The following MSH4 variants were observed in gnomAD, a reference collection of about 807,000 sequenced individuals.
The protein encoded by MSH4 is mutS protein homolog 4.
Under a neutral mutation model 113.7 loss-of-function variants are expected in MSH4, and 106 were observed. That is an observed-to-expected ratio of 0.93 (90% CI 0.80 to 1.10). The LOEUF (loss-of-function observed/expected upper bound fraction) is 1.10. MSH4 is among the 50% of genes least tolerant of loss of function. The pLI, the probability that MSH4 is intolerant of heterozygous loss-of-function variation, is 0.00. For missense variants in MSH4, 1,061 were observed against 1,093.7 expected, an observed-to-expected ratio of 0.97 and a Z score of 0.42; for synonymous variants, 368 against 380.2, an observed-to-expected ratio of 0.97 and a Z score of 0.37.
chr1:75,805,214 A>G (rs1175643509), intron 2 of MSH4, among the ~76,000 whole-genome samples: 1 of 152,102 alleles, frequency 6.6e-6, no homozygotes, highest in African/African-American at 2.4e-5. Flanking sequence ...GGTTCTAAAA[A>G]TACATTTATG....
chr1:75,890,140 G>A (rs1263994352), intron 16 of MSH4, among the ~76,000 whole-genome samples: 1 of 152,018 alleles, frequency 6.6e-6, no homozygotes, highest in Non-Finnish European at 1.5e-5. Flanking sequence ...TTTTGAGAAA[G>A]AGGTTAATAA....
At chr1:75,838,769 T>A (rs1043533675) in intron 7 of MSH4, among the ~76,000 whole-genome samples, 2 of 152,168 alleles carry the variant, frequency 1.3e-5, no homozygotes, top group African/African-American at 4.8e-5. Context: ...GAATACCTCT[T>A]CCTCCTTCCC....
intron 2 of MSH4, among the ~76,000 whole-genome samples, chr1:75,804,494 C>T (rs891090534): frequency 6.8e-6 from 1 of 146,126 alleles, no homozygotes; most frequent in Non-Finnish European, 1.5e-5. Context: ...TAGAATATGA[C>T]CTTCCTTTTT....
chr1:75,810,608 G>C, intron 3 of MSH4, 89 bp from the exon 4 acceptor site: 1 of 544,736 alleles, frequency 1.8e-6, no homozygotes, highest in South Asian at 3.2e-5. Context: ...GTGTATCTAT[G>C]AATTAATTTT....
intron 1 of MSH4, among the ~76,000 whole-genome samples, 165 bp downstream of exon 1, chr1:75,797,394 T>C (rs983720232): frequency 6.6e-6 from 1 of 152,140 alleles, no homozygotes; most frequent in African/African-American, 2.4e-5. Flanking sequence ...TTAGAAGCCT[T>C]GACTTTTCAA....
intron 19 of MSH4, among the ~76,000 whole-genome samples, chr1:75,910,278 C>T (rs998429400): frequency 6.6e-6 from 1 of 152,068 alleles, no homozygotes; most frequent in Non-Finnish European, 1.5e-5. Context: ...TCTGATCTTC[C>T]ATGATCTCTC....
At position 75,798,629 on chromosome 1, in the gene MSH4, T is replaced by A. The variant is rs141856618; in HGVS notation, c.244+1400T>A. ...TGGAGTGCAGTGGCATGGTCATGACTCACTGCAGCCTCAAATTCCTGGGCT... is the reference window on the plus strand; with the variant it reads ...TGGAGTGCAGTGGCATGGTCATGACACACTGCAGCCTCAAATTCCTGGGCT... On this transcript the variant is annotated intron_variant, in intron 1 of 19. Transcript: ENST00000263187. Among the ~76,000 whole-genome samples the A allele has an allele frequency of 9.0e-3, 1,357 of 151,182 alleles. 15 individuals are homozygous for A. The highest frequency in any genetic ancestry group is 0.032 in the African/African-American group (1,301 of 41,106).
At chr1:75,877,646 C>A (rs1177611124) in intron 10 of MSH4, among the ~76,000 whole-genome samples, 1 of 152,160 alleles carries the variant, frequency 6.6e-6, no homozygotes, top group Non-Finnish European at 1.5e-5. Context: ...TTTGCATAAT[C>A]ACTGAACTTT....
intron 4 of MSH4, among the ~76,000 whole-genome samples, chr1:75,814,439 T>TG (rs1300851817): frequency 9.6e-6 from 1 of 103,940 alleles, no homozygotes; most frequent in Admixed American, 9.0e-5. Context: ...TATTCCAGCC[T>TG]GGGCAACAGA....
chr1:75,837,386 C>CTTTTTT (rs34812368), intron 7 of MSH4, among the ~76,000 whole-genome samples: 1 of 106,628 alleles, frequency 9.4e-6, no homozygotes, highest in African/African-American at 3.4e-5. Flanking sequence ...AAATTGTGCC[C>CTTTTTT]TTTTTTTTTT....
At chr1:75,840,513 T>C (rs1368275448) in intron 7 of MSH4, among the ~76,000 whole-genome samples, 1 of 102,034 alleles carries the variant, frequency 9.8e-6, no homozygotes, top group Non-Finnish European at 2.0e-5. Flanking sequence ...ACTCTGGGGA[T>C]TGTTGTGGGG....
At position 75,803,579 on chromosome 1, in the gene MSH4, T is replaced by A. The variant is rs866550055; in HGVS notation, c.245-152T>A. ...TTGCAGTGAGCCGAGATCATGCCAC[T>A]ACGCTCCAGCCTGGGCGACAAGAGC... On this transcript the variant is annotated intron_variant, in intron 1 of 19. Transcript: ENST00000263187. The A allele has an allele frequency of 1.8e-5, 9 of 499,114 alleles. No individual in the cohort carries two copies. In the South Asian group the frequency reaches 4.1e-4, roughly 23 times the overall value. The allele number at this position is 499,114 out of a possible 1,614,324, so 30.9% of individuals were successfully genotyped here.
intron 7 of MSH4, among the ~76,000 whole-genome samples, chr1:75,835,823 A>G (rs752714263): frequency 6.6e-6 from 1 of 152,188 alleles, no homozygotes; most frequent in African/African-American, 2.4e-5. Flanking sequence ...CTATGTCTCA[A>G]TGTGCTGCAA....
intron 18 of MSH4, among the ~76,000 whole-genome samples, chr1:75,898,792 T>C (rs1652440721): frequency 6.6e-6 from 1 of 152,188 alleles, no homozygotes; most frequent in Admixed American, 6.5e-5. Flanking sequence ...TTATTTTAGC[T>C]ATGGATATGA....
chr1:75,895,903 C>G (rs1652369029), intron 17 of MSH4, among the ~76,000 whole-genome samples: 1 of 152,068 alleles, frequency 6.6e-6, no homozygotes, highest in Non-Finnish European at 1.5e-5. Flanking sequence ...GCCAAGTTTA[C>G]AAGGGGTGGA....
In MSH4 at chr1:75,810,705, TA is replaced by T; in HGVS notation, c.600del (p.Lys200AsnfsTer10). The part of the protein sequence containing the change: ...DNTTYAKVIT[K>X]LKILSPLEII... ...TATTCAAATGATTTCAGGTGATCAC[TA>T]AACTTAAAATTTTATCACCTTTGGA... On this transcript the variant is annotated frameshift_variant, in exon 4 of 20. Transcript: ENST00000263187. LOFTEE classifies it high-confidence loss of function. 6.6e-7 allele frequency: 1 copy of T among 1,514,944 alleles called. No individual in the cohort carries two copies. Among genetic ancestry groups the T allele is most frequent in the Non-Finnish European group, 8.9e-7 (1 of 1,120,774 alleles). 93.8% of individuals were successfully genotyped at this position (1,514,944 alleles called of 1,614,324 possible).
intron 8 of MSH4, among the ~76,000 whole-genome samples, chr1:75,866,746 C>T (rs560592949): frequency 8.6e-5 from 13 of 151,906 alleles, no homozygotes; most frequent in Admixed American, 7.2e-4. Flanking sequence ...TTTGGGAGGC[C>T]GAGATGGCTG....
chr1:75,861,441 G>A (rs1484877256), intron 8 of MSH4, among the ~76,000 whole-genome samples: 1 of 152,150 alleles, frequency 6.6e-6, no homozygotes, highest in Admixed American at 6.5e-5. Context: ...CCTACGGATG[G>A]GGTTTTGTGT....
At chr1:75,840,298 A>C (rs879556132) in intron 7 of MSH4, among the ~76,000 whole-genome samples, 192 of 143,256 alleles carry the variant, frequency 1.3e-3, no homozygotes, top group Non-Finnish European at 2.0e-3. Flanking sequence ...GACTGGATTA[A>C]GAAAATGTGG....
Sources: allele counts gnomAD v4.1 joint callset (sites outside exome capture counted in the v4.1 genomes callset), GRCh38; gene constraint gnomAD v4.1.1; transcripts MANE v1.5; gene names NCBI Gene and HGNC (gene_info 2026-07-23, HGNC 2026-07-21).